THTPA: variants seen among roughly 807,000 people sequenced by gnomAD.
THTPA encodes the protein thiamine-triphosphatase.
In THTPA, 16 loss-of-function variants were observed where a neutral mutation model predicts 16.5. That is an observed-to-expected ratio of 0.97 (90% CI 0.66 to 1.47). THTPA has a LOEUF of 1.47. Among genes scored for constraint, THTPA ranks in the 40% most tolerant of loss-of-function variants. The pLI, the probability that THTPA is intolerant of heterozygous loss-of-function variation, is 0.00. For missense variants in THTPA, 281 were observed against 280.9 expected, an observed-to-expected ratio of 1.00 and a Z score of 0.00; for synonymous variants, 110 against 115.5, an observed-to-expected ratio of 0.95 and a Z score of 0.30.
chr14:23,532,634 T>G, the THTPA span: 1 of 1,468,412 alleles, frequency 6.8e-7, no homozygotes, highest in Non-Finnish European at 9.0e-7. Context: ...CTCCTTGCTG[T>G]TGGACTCAAA....
chr14:23,521,866 G>A, the THTPA span: 4 of 1,498,084 alleles, frequency 2.7e-6, no homozygotes, highest in East Asian at 2.5e-5. Context: ...GCGGGGCCAG[G>A]GGGTGGGGTG....
At chr14:23,516,030 GC>G in the THTPA span, among the ~76,000 whole-genome samples, 1 of 152,142 alleles carries the variant, frequency 6.6e-6, no homozygotes, top group African/African-American at 2.4e-5. Context: ...TGGTGTGGTA[GC>G]CCCTGGGGTA....
chr14:23,557,305 G>C lies in THTPA; in HGVS notation c.547+1G>C. ...ATCCACAGGCTCAGCAGCATGCTTGGTGAGGGAGACAGGCCCTTTTGTGCT... is the reference window on the plus strand; with the variant it reads ...ATCCACAGGCTCAGCAGCATGCTTGCTGAGGGAGACAGGCCCTTTTGTGCT... On this transcript the variant is annotated splice_donor_variant, in intron 1 of 1. Transcript: ENST00000288014. LOFTEE classifies it high-confidence loss of function. The C allele has an allele frequency of 6.3e-7, 1 of 1,588,682 alleles. No individual in the cohort carries two copies. Among genetic ancestry groups the C allele is most frequent in the South Asian group, 1.1e-5 (1 of 89,626 alleles).
the THTPA span, chr14:23,526,362 T>G: frequency 6.5e-7 from 1 of 1,536,326 alleles, no homozygotes; most frequent in Non-Finnish European, 8.7e-7. Context: ...TTACACACAG[T>G]GCACTTATAG....
chr14:23,555,089 G>C (rs1005371293), upstream of THTPA, among the ~76,000 whole-genome samples: 2 of 152,194 alleles, frequency 1.3e-5, no homozygotes, highest in African/African-American at 4.8e-5. Flanking sequence ...CCAGGTTCAA[G>C]CAATTCTCAT....
intron 1 of THTPA, 148 bp downstream of exon 1, chr14:23,557,452 T>A: frequency 2.2e-6 from 2 of 889,154 alleles, no homozygotes; most frequent in Non-Finnish European, 3.3e-6. Context: ...CCCAGGCTGG[T>A]CTGGAACTCC....
the THTPA span, among the ~76,000 whole-genome samples, chr14:23,539,253 T>G: frequency 6.6e-6 from 1 of 152,200 alleles, no homozygotes; most frequent in Admixed American, 6.5e-5. Flanking sequence ...CCCAGGTCTC[T>G]GTTTACTTCT....
chr14:23,548,110 C>A, the THTPA span, among the ~76,000 whole-genome samples: 1 of 152,194 alleles, frequency 6.6e-6, no homozygotes, highest in Admixed American at 6.5e-5. Context: ...AAACCCAAAG[C>A]CATTACACTT....
the THTPA span, among the ~76,000 whole-genome samples, chr14:23,516,480 A>G: frequency 1.3e-5 from 2 of 152,206 alleles, no homozygotes; most frequent in East Asian, 3.9e-4. Context: ...CACTGGCAGT[A>G]GTTACCACAG....
chr14:23,560,016 C>T lies in THTPA; in HGVS notation c.*1176C>T, dbSNP rs1383538204. ...CTGGAACTGTGTTCCCACTGGGGGC[C>T]TGCAGCTGCAGCTGGAGACTCTGAA... On this transcript the variant is annotated 3_prime_UTR_variant, in exon 2 of 2. Transcript: ENST00000288014. 7 of 1,607,964 alleles carry T rather than the reference C, an allele frequency of 4.4e-6. No homozygotes were observed. The highest frequency in any genetic ancestry group is 2.7e-5 in the African/African-American group (2 of 74,786).
the THTPA span, chr14:23,521,874 G>C: frequency 6.6e-7 from 1 of 1,505,462 alleles, no homozygotes; most frequent in Admixed American, 2.1e-5. Context: ...AGGGGGTGGG[G>C]TGAGGGATTT....
chr14:23,545,374 A>T, the THTPA span, among the ~76,000 whole-genome samples: 1 of 152,124 alleles, frequency 6.6e-6, no homozygotes, highest in East Asian at 1.9e-4. Flanking sequence ...TTCCCTGCGG[A>T]GGGGTCAGGC....
chr14:23,547,775 C>T, the THTPA span, among the ~76,000 whole-genome samples: 1 of 152,202 alleles, frequency 6.6e-6, no homozygotes, highest in Non-Finnish European at 1.5e-5. Flanking sequence ...CCAGCCTCTC[C>T]CTACTAATTC....
At chr14:23,524,396 C>T in the THTPA span, 10 of 1,536,204 alleles carry the variant, frequency 6.5e-6, no homozygotes, top group Middle Eastern at 6.7e-4. The surrounding 1 kb of genome is among the most constrained non-coding windows in gnomAD (Gnocchi z 5.6). Flanking sequence ...GCCCTCCCCT[C>T]CTCCCCCTGC....
chr14:23,533,646 G>T, the THTPA span: 1 of 1,537,056 alleles, frequency 6.5e-7, no homozygotes, highest in Non-Finnish European at 8.7e-7. This position sits in a 1 kb window ranked among gnomAD's most constrained non-coding sequence, Gnocchi z 4.8. Flanking sequence ...TAGGCTCTTT[G>T]TCTCCCGCGG....
the THTPA span, among the ~76,000 whole-genome samples, chr14:23,539,840 G>A: frequency 6.6e-6 from 1 of 152,180 alleles, no homozygotes; most frequent in Non-Finnish European, 1.5e-5. Flanking sequence ...AATGGGACCT[G>A]ACTGGCTTTT....
chr14:23,531,077 C>A, the THTPA span: 1 of 160,588 alleles, frequency 6.2e-6, no homozygotes, highest in East Asian at 1.8e-4. Flanking sequence ...TCCCTGCTGC[C>A]TTTGGATCAT....
At chr14:23,514,569 T>C in the THTPA span, 1 of 152,300 alleles carries the variant, frequency 6.6e-6, no homozygotes, top group African/African-American at 2.4e-5. Context: ...GGTACCTTCC[T>C]CTCCTCCCCC....
At chr14:23,519,695 A>G in the THTPA span, among the ~76,000 whole-genome samples, 2,805 of 152,218 alleles carry the variant, frequency 0.018, 38 homozygotes, top group Non-Finnish European at 0.029. Flanking sequence ...AGGAAGTGAG[A>G]CTCATGGAAT....
Sources: gnomAD v4.1 joint callset for allele counts (sites outside exome capture counted in the v4.1 genomes callset) on GRCh38, gnomAD v4.1.1 for gene constraint, Gnocchi (gnomAD v3.1) non-coding constraint, MANE v1.5 for transcripts, NCBI Gene and HGNC (gene_info 2026-07-23, HGNC 2026-07-21) for gene names.